CHAF1A: variants seen among roughly 807,000 people sequenced by gnomAD.
The protein encoded by CHAF1A is chromatin assembly factor 1 subunit A.
Under a neutral mutation model 93.2 loss-of-function variants are expected in CHAF1A, and 5 were observed. The ratio of observed to expected loss-of-function variants is 0.05; its 90% CI spans 0.03 to 0.11. The LOEUF (loss-of-function observed/expected upper bound fraction) is 0.11, where lower values mean the gene tolerates loss of function less well. Among genes scored for constraint, CHAF1A ranks in the 10% least tolerant of loss-of-function variants. CHAF1A has a pLI of 1.00. For missense variants in CHAF1A, 1,102 were observed against 1,259.9 expected (o/e 0.87, Z 1.90); for synonymous variants, 504 against 510.3 (o/e 0.99, Z 0.17).
At chr19:4,445,005 CTA>C (rs778670419), downstream of CHAF1A, 1 of 158,964 alleles carries the variant, frequency 6.3e-6, no homozygotes, top group Admixed American at 6.1e-5. Flanking sequence ...AACCAAGAAA[CTA>C]TATTCAAACA....
intron 3 of CHAF1A, among the ~76,000 whole-genome samples, chr19:4,415,198 C>T (rs908481119): frequency 1.3e-5 from 2 of 152,098 alleles, no homozygotes; most frequent in African/African-American, 4.8e-5. Context: ...TCTATAAACA[C>T]TTGGGTCAAA....
At chr19:4,420,777 A>G (rs143337291) in intron 4 of CHAF1A, among the ~76,000 whole-genome samples, 1 of 152,152 alleles carries the variant, frequency 6.6e-6, no homozygotes, top group Admixed American at 6.5e-5. Flanking sequence ...TACTAAAAAG[A>G]AAAAGAATTC....
chr19:4,438,220 G>T (rs907077975), intron 13 of CHAF1A, among the ~76,000 whole-genome samples: 1 of 152,156 alleles, frequency 6.6e-6, no homozygotes, highest in Non-Finnish European at 1.5e-5. Context: ...ATAGGCTCCA[G>T]TGTCTGTTGT....
downstream of CHAF1A, chr19:4,448,261 G>C (rs1974580432): frequency 1.4e-6 from 2 of 1,463,464 alleles, no homozygotes; most frequent in Non-Finnish European, 1.9e-6. Flanking sequence ...GCCCCAGTGG[G>C]AGGGGTGCTG....
At position 4,442,925 on chromosome 19, in the gene CHAF1A, A is replaced by G; in HGVS notation, c.2771A>G (p.Glu924Gly). 1 of 1,583,768 alleles carries G rather than the reference A, an allele frequency of 6.3e-7. No individual in the cohort carries two copies. The highest frequency in any genetic ancestry group is 8.6e-7 in the Non-Finnish European group (1 of 1,166,388). ...AGACCCTCCCTCTCTTGCCCTGCAG[A>G]GGTCCAAGCCCCGTGTGGAGCCGCT... is the stretch of plus-strand genomic sequence containing the variant. ...CMIVDVPDAA[E>G]VQAPCGAASG... Residue 924 changes from glutamate to glycine, a missense_variant and splice_region_variant, in exon 15 of 15, where the codon GAG becomes GGG. This residue lies in a region of CHAF1A where 119 missense variants were observed against 102.2 expected (regional missense o/e 1.16). Transcript: ENST00000301280.
chr19:4,440,760 G>C (rs1183596598), intron 13 of CHAF1A, among the ~76,000 whole-genome samples: 1 of 151,866 alleles, frequency 6.6e-6, no homozygotes, highest in African/African-American at 2.4e-5. Context: ...CTGTGCAGCA[G>C]GTGACTGACT....
At chr19:4,445,457 T>C (rs1466285037), downstream of CHAF1A, 1 of 1,612,068 alleles carries the variant, frequency 6.2e-7, no homozygotes, top group Non-Finnish European at 8.5e-7. Flanking sequence ...AGGGAGAGCA[T>C]GAGACAGACC....
downstream of CHAF1A, chr19:4,444,666 C>T (rs1335619742): frequency 6.6e-6 from 1 of 152,472 alleles, no homozygotes; most frequent in Non-Finnish European, 1.5e-5. Flanking sequence ...ACCCAAGCCC[C>T]TCTTGCCAGG....
chr19:4,423,241 A>G (rs2145107304), intron 5 of CHAF1A, 94 bp from the exon 6 acceptor site: 12 of 1,553,254 alleles, frequency 7.7e-6, no homozygotes, highest in Non-Finnish European at 1.0e-5. Context: ...TTAATGTAAA[A>G]TGAAATACTT....
chr19:4,429,492 G>A lies in CHAF1A; in HGVS notation c.1659G>A (p.Lys553=). 1 of 1,614,066 alleles carries A rather than the reference G, an allele frequency of 6.2e-7. No individual in the cohort carries two copies. The highest frequency in any genetic ancestry group is 8.5e-7 in the Non-Finnish European group (1 of 1,180,004). ...GCGACGGTGTTCCCGAGAGGAGGAA[G>A]TTTGGCAGGATGAAGCTCCTGCAGT... ...GKGDGVPERR[K]FGRMKLLQFC... is the part of the protein sequence containing the mutation. Residue 553 remains lysine, a synonymous_variant, in exon 9 of 15, where the codon AAG becomes AAA. Coordinates refer to ENST00000301280, the MANE Select transcript of CHAF1A (RefSeq NM_005483.3).
At chr19:4,423,528 C>T (rs531099845) in intron 6 of CHAF1A, 133 bp downstream of exon 6, 1 of 1,479,772 alleles carries the variant, frequency 6.8e-7, no homozygotes, top group African/African-American at 1.4e-5. Flanking sequence ...GCAGGGAGGG[C>T]GAGTCTGTCT....
intron 13 of CHAF1A, among the ~76,000 whole-genome samples, chr19:4,437,987 C>T (rs1481028901): frequency 7.2e-5 from 11 of 152,036 alleles, no homozygotes; most frequent in South Asian, 6.2e-4. Flanking sequence ...GTGATCTGCC[C>T]GCCTCGGCCT....
chr19:4,424,612 G>A (rs374848153), intron 7 of CHAF1A, among the ~76,000 whole-genome samples: 2 of 152,074 alleles, frequency 1.3e-5, no homozygotes, highest in East Asian at 3.9e-4. Context: ...CTACAGGCAT[G>A]TGCCACCATG....
At chr19:4,437,066 A>T (rs1489777757) in intron 13 of CHAF1A, among the ~76,000 whole-genome samples, 1 of 152,212 alleles carries the variant, frequency 6.6e-6, no homozygotes, top group Non-Finnish European at 1.5e-5. Flanking sequence ...TGGTGGCCAC[A>T]TGCGCGTGAT....
downstream of CHAF1A, chr19:4,445,561 C>G: frequency 1.2e-6 from 2 of 1,613,844 alleles, no homozygotes; most frequent in South Asian, 1.1e-5. Context: ...GCTCGGCCCC[C>G]GCGGCCTTGA....
intron 10 of CHAF1A, 177 bp downstream of exon 10, chr19:4,429,965 G>A (rs755475456): frequency 3.0e-5 from 18 of 601,440 alleles, no homozygotes; most frequent in African/African-American, 1.3e-4. Flanking sequence ...AGCTTCTCTC[G>A]AAAAATCTCA....
At chr19:4,412,414 C>T (rs1973822004) in intron 3 of CHAF1A, among the ~76,000 whole-genome samples, 1 of 152,202 alleles carries the variant, frequency 6.6e-6, no homozygotes, top group Non-Finnish European at 1.5e-5. Flanking sequence ...TATGGTGACG[C>T]TTGCCTGTAA....
At chr19:4,425,591 C>G (rs1381309798) in intron 7 of CHAF1A, among the ~76,000 whole-genome samples, 1 of 152,182 alleles carries the variant, frequency 6.6e-6, no homozygotes, top group Non-Finnish European at 1.5e-5. Context: ...AAGCATTTCT[C>G]TCGCTTTGGC....
intron 11 of CHAF1A, 82 bp from the exon 12 acceptor site, chr19:4,431,870 G>A: frequency 6.6e-7 from 1 of 1,518,990 alleles, no homozygotes; most frequent in Non-Finnish European, 8.9e-7. Flanking sequence ...TCCCCAGCTG[G>A]CTGGGGACTG....
Sources: allele counts gnomAD v4.1 joint callset (sites outside exome capture counted in the v4.1 genomes callset), GRCh38; gene constraint gnomAD v4.1.1; regional missense constraint gnomAD v4.1.1; transcripts MANE v1.5; gene names NCBI Gene and HGNC (gene_info 2026-07-23, HGNC 2026-07-21).